Variants in OR9Q1 observed in about 807,000 individuals in gnomAD.
OR9Q1 encodes olfactory receptor family 9 subfamily Q member 1, also known as olfactory receptor 9Q1.
For synonymous variants in OR9Q1, 153 were observed against 148.6 expected, an observed-to-expected ratio of 1.03 and a Z score of -0.22; for missense variants, 374 against 378.8, an observed-to-expected ratio of 0.99 and a Z score of 0.11.
At chr11:58,111,263 G>C (rs1161897068) in intron 2 of OR9Q1, among the ~76,000 whole-genome samples, 1 of 152,092 alleles carries the variant, frequency 6.6e-6, no homozygotes, top group Admixed American at 6.6e-5. Context: ...GAATGGAAGG[G>C]AGTCCTAGAG....
intron 1 of OR9Q1, among the ~76,000 whole-genome samples, chr11:58,035,376 T>C (rs986649834): frequency 1.3e-5 from 2 of 152,246 alleles, no homozygotes; most frequent in East Asian, 1.9e-4. Flanking sequence ...TTTTTGTATC[T>C]ATATTTGCTT....
At chr11:58,104,820 A>T (rs1436703582) in intron 2 of OR9Q1, among the ~76,000 whole-genome samples, 1 of 152,174 alleles carries the variant, frequency 6.6e-6, no homozygotes, top group Non-Finnish European at 1.5e-5. Context: ...TAGCTATTAA[A>T]ATGGTGGGGC....
chr11:58,142,072 C>T (rs1407204006), intron 2 of OR9Q1, among the ~76,000 whole-genome samples: 3 of 152,098 alleles, frequency 2.0e-5, no homozygotes, highest in Non-Finnish European at 4.4e-5. Flanking sequence ...TTACCTGATT[C>T]CCAGAATTTC....
chr11:58,101,536 C>T (rs965504971), intron 2 of OR9Q1, among the ~76,000 whole-genome samples: 5 of 150,674 alleles, frequency 3.3e-5, no homozygotes, highest in African/African-American at 1.2e-4. Flanking sequence ...GTTATTAGTC[C>T]TTTGTTGGAT....
At chr11:58,161,915 G>A (rs1435474039) in intron 2 of OR9Q1, among the ~76,000 whole-genome samples, 1 of 152,168 alleles carries the variant, frequency 6.6e-6, no homozygotes, top group African/African-American at 2.4e-5. Flanking sequence ...TCTCCAGAAA[G>A]CAACAGCAAG....
chr11:58,140,099 T>G (rs187992117), intron 2 of OR9Q1, among the ~76,000 whole-genome samples: 1 of 152,210 alleles, frequency 6.6e-6, no homozygotes, highest in African/African-American at 2.4e-5. Flanking sequence ...GAGAAGTGTC[T>G]GTTCATATCC....
chr11:58,046,980 C>T (rs570183906), intron 1 of OR9Q1, among the ~76,000 whole-genome samples: 4 of 152,336 alleles, frequency 2.6e-5, no homozygotes, highest in East Asian at 1.9e-4. Context: ...AGCTCAGCAT[C>T]GATTGCCTAT....
chr11:58,055,160 C>T (rs574348344), intron 1 of OR9Q1, among the ~76,000 whole-genome samples: 1 of 150,386 alleles, frequency 6.6e-6, no homozygotes, highest in South Asian at 2.1e-4. Flanking sequence ...TTAACCTTCT[C>T]ATCTGTAAAA....
intron 2 of OR9Q1, among the ~76,000 whole-genome samples, chr11:58,098,187 A>C (rs1437199793): frequency 6.6e-6 from 1 of 152,162 alleles, no homozygotes; most frequent in Non-Finnish European, 1.5e-5. Flanking sequence ...AATCATCTGC[A>C]CCCGGGGTTT....
chr11:58,108,209 G>A (rs1020037756), intron 2 of OR9Q1, among the ~76,000 whole-genome samples: 8 of 152,026 alleles, frequency 5.3e-5, no homozygotes, highest in African/African-American at 1.9e-4. Context: ...GAGTTCATAG[G>A]TTCTTTTCAT....
intron 2 of OR9Q1, among the ~76,000 whole-genome samples, chr11:58,080,990 C>T (rs553728026): frequency 6.6e-6 from 1 of 152,096 alleles, no homozygotes; most frequent in East Asian, 1.9e-4. Context: ...CCGACAGGAC[C>T]CAGTGTGTGA....
chr11:58,111,963 G>A (rs1228535243), intron 2 of OR9Q1, among the ~76,000 whole-genome samples: 1 of 152,120 alleles, frequency 6.6e-6, no homozygotes, highest in South Asian at 2.1e-4. Context: ...TTCCAGTACT[G>A]TTTCTGCTTT....
chr11:58,144,095 G>A (rs1056470735), intron 2 of OR9Q1, among the ~76,000 whole-genome samples: 2 of 151,710 alleles, frequency 1.3e-5, no homozygotes, highest in Non-Finnish European at 2.9e-5. Flanking sequence ...TGTTACATAT[G>A]TATACATGTG....
At chr11:58,080,761 A>C (rs1853579639) in intron 2 of OR9Q1, among the ~76,000 whole-genome samples, 1 of 152,080 alleles carries the variant, frequency 6.6e-6, no homozygotes, top group Non-Finnish European at 1.5e-5. Context: ...GCATTTTTCC[A>C]TACGTTTGTT....
intron 2 of OR9Q1, among the ~76,000 whole-genome samples, chr11:58,066,871 T>A (rs200830060): frequency 6.6e-6 from 1 of 152,112 alleles, no homozygotes; most frequent in South Asian, 2.1e-4. Context: ...GGAGAGGCTG[T>A]AAAACAAGCC....
intron 2 of OR9Q1, chr11:58,144,879 C>T (rs1040156398): frequency 6.6e-6 from 1 of 152,470 alleles, no homozygotes; most frequent in East Asian, 1.9e-4. Context: ...TCCTCTATGC[C>T]ATAGTCATGA....
intron 2 of OR9Q1, among the ~76,000 whole-genome samples, chr11:58,086,457 A>G (rs1040315621): frequency 7.9e-5 from 12 of 151,940 alleles, no homozygotes; most frequent in African/African-American, 2.9e-4. Flanking sequence ...GAAGTTTCTC[A>G]GAAAATGAAA....
chr11:58,119,529 G>A, intron 2 of OR9Q1: 1 of 956,282 alleles, frequency 1.0e-6, no homozygotes, highest in Non-Finnish European at 1.6e-6. Flanking sequence ...TCCCTCTATG[G>A]TGGAAGTTTT....
chr11:58,072,333 A>G (rs1024153684), intron 2 of OR9Q1: 11 of 152,628 alleles, frequency 7.2e-5, no homozygotes, highest in African/African-American at 2.4e-4. Context: ...CTAGATGTCT[A>G]TTCTATTAAA....
Sources: allele counts gnomAD v4.1 joint callset (sites outside exome capture counted in the v4.1 genomes callset), GRCh38; gene constraint gnomAD v4.1.1; transcripts MANE v1.5; gene names NCBI Gene and HGNC (gene_info 2026-07-23, HGNC 2026-07-21).